Variants in ABI2 observed in about 807,000 individuals in gnomAD.
ABI2 encodes abl interactor 2, also known as abelson interactor 2.
A neutral mutation model predicts 59.2 loss-of-function variants in ABI2; 25 were observed. The ratio of observed to expected loss-of-function variants is 0.42; its 90% confidence interval spans 0.31 to 0.59. The LOEUF is 0.59. Among genes scored for constraint, ABI2 ranks in the 20% least tolerant of loss-of-function variants. The probability of loss-of-function intolerance (pLI) is 0.14; values close to 1 mark genes in which losing one functional copy is unlikely to be tolerated. For missense variants in ABI2, 545 were observed against 681.8 expected, an observed-to-expected ratio of 0.80 and a Z score of 2.23; for synonymous variants, 213 against 235.5, an observed-to-expected ratio of 0.90 and a Z score of 0.87.
rs531533750 is a variant in ABI2, at chr2:203,391,083, G to A, written c.518G>A (p.Arg173His). 9 of 1,613,884 alleles carry A rather than the reference G, an allele frequency of 5.6e-6. No homozygotes were observed. The highest frequency in any genetic ancestry group is 3.3e-5 in the South Asian group (3 of 91,028). ...TQNMKMGGLP[R>H]TTPPTQKPPS... The stretch of plus-strand genomic sequence containing the variant: ...AACATGAAGATGGGTGGGCTGCCGC[G>A]TACAACACCTCCAACTCAGAAGCCC... Residue 173 changes from arginine (R) to histidine (H), a missense_variant, in exon 5 of 12, where the codon CGT becomes CAT. Physicochemically the swap from Arg to His is conservative, Grantham distance 29. Coordinates refer to ENST00000261018, the MANE Select transcript of ABI2 (RefSeq NM_001375670.1).
Position 203,420,810 on chromosome 2 carries a change from T to G in ABI2, c.1453+3729T>G, listed in dbSNP as rs186943106. On this transcript the variant is annotated intron_variant, in intron 11 of 11. Coordinates refer to ENST00000261018, the MANE Select transcript of ABI2 (RefSeq NM_001375670.1). Reference sequence around the variant, plus strand: ...CTTTCTGGGGAATTCCTAGAAAGCTTCTCAGAGAACATGGCGTTCTTGGTG... The same window carrying G: ...CTTTCTGGGGAATTCCTAGAAAGCTGCTCAGAGAACATGGCGTTCTTGGTG... 2.2e-3 allele frequency among the ~76,000 whole-genome samples: 337 copies of G among 152,282 alleles called. 1 individual carries two copies. The highest frequency in any genetic ancestry group is 4.4e-3 in the Admixed American group (67 of 15,286).
chr2:203,373,444 G>A (rs1163122822), intron 2 of ABI2, among the ~76,000 whole-genome samples: 2 of 152,112 alleles, frequency 1.3e-5, no homozygotes, highest in African/African-American at 4.8e-5. Context: ...GCATCAGAGG[G>A]AGACCGTGGA....
intron 1 of ABI2, among the ~76,000 whole-genome samples, chr2:203,363,215 T>A (rs1254774773): frequency 6.6e-6 from 1 of 152,182 alleles, no homozygotes; most frequent in African/African-American, 2.4e-5. Flanking sequence ...ACCTGAGATA[T>A]TTTGATACAG....
chr2:203,344,363 T>A (rs2081878528), intron 1 of ABI2, among the ~76,000 whole-genome samples: 1 of 151,884 alleles, frequency 6.6e-6, no homozygotes, highest in South Asian at 2.1e-4. Flanking sequence ...ATTTTTAAAT[T>A]TTTTTTTCCT....
chr2:203,397,613 A>T (rs1469520351), intron 8 of ABI2, among the ~76,000 whole-genome samples: 1 of 152,216 alleles, frequency 6.6e-6, no homozygotes, highest in Admixed American at 6.5e-5. Context: ...ATGTGTTTGG[A>T]CATATATCAC....
chr2:203,414,267 A>C (rs1170559810), intron 10 of ABI2, among the ~76,000 whole-genome samples: 2 of 151,796 alleles, frequency 1.3e-5, no homozygotes, highest in African/African-American at 4.8e-5. Context: ...ATGTGCGTCT[A>C]ATTTTTGTAT....
At chr2:203,347,954 T>C (rs2084796797) in intron 1 of ABI2, among the ~76,000 whole-genome samples, 1 of 152,100 alleles carries the variant, frequency 6.6e-6, no homozygotes, top group Admixed American at 6.6e-5. Flanking sequence ...AAAAAAATGA[T>C]TTGGGCTGGG....
At chr2:203,391,571 G>T (rs1353341019) in intron 5 of ABI2, among the ~76,000 whole-genome samples, 3 of 152,062 alleles carry the variant, frequency 2.0e-5, no homozygotes, top group Non-Finnish European at 4.4e-5. Context: ...TCCCAAAGTG[G>T]GGATTTTGAG....
chr2:203,371,553 G>C (rs1307579616), intron 2 of ABI2, among the ~76,000 whole-genome samples: 1 of 152,110 alleles, frequency 6.6e-6, no homozygotes, highest in Non-Finnish European at 1.5e-5. Flanking sequence ...TTTAGGGCTG[G>C]TAAATTTTAA....
intron 1 of ABI2, among the ~76,000 whole-genome samples, chr2:203,343,553 C>G (rs1301524255): frequency 6.6e-6 from 1 of 151,994 alleles, no homozygotes; most frequent in African/African-American, 2.4e-5. Context: ...ATCTCCAACT[C>G]CTGACCTCAA....
chr2:203,372,067 A>G (rs1213973467), intron 2 of ABI2, among the ~76,000 whole-genome samples: 1 of 151,776 alleles, frequency 6.6e-6, no homozygotes, highest in Non-Finnish European at 1.5e-5. Flanking sequence ...TAGGCAGAGG[A>G]CCCTGCGGCC....
intron 1 of ABI2, among the ~76,000 whole-genome samples, chr2:203,339,005 TATAA>T (rs2078286267): frequency 2.1e-5 from 2 of 94,628 alleles, no homozygotes; most frequent in African/African-American, 4.7e-5. Flanking sequence ...TATATATATA[TATAA>T]AGGATTCATA....
chr2:203,416,897 T>TA lies in ABI2; in HGVS notation c.1280-10dup, dbSNP rs761663285. 1.4e-5 allele frequency: 22 copies of TA among 1,605,430 alleles called. No individual in the cohort carries two copies. The highest frequency in any genetic ancestry group is 1.8e-5 in the Non-Finnish European group (21 of 1,175,454). ...ACATATAGTTTTGTTGTCAGCCTGA[T>TA]ACGTTCTTAGTTTCAGATACACCAC... On this transcript the variant is annotated splice_polypyrimidine_tract_variant and intron_variant, in intron 10 of 11. Coordinates refer to ENST00000261018, the MANE Select transcript of ABI2 (RefSeq NM_001375670.1).
chr2:203,370,676 C>G (rs2095087565), intron 2 of ABI2, among the ~76,000 whole-genome samples: 1 of 151,846 alleles, frequency 6.6e-6, no homozygotes, highest in Non-Finnish European at 1.5e-5. Context: ...TAGAGGGAAC[C>G]AGGGGGTTCT....
chr2:203,397,012 C>G lies in ABI2; in HGVS notation c.1033+45C>G. On this transcript the variant is annotated intron_variant, in intron 8 of 11. Coordinates refer to ENST00000261018, the MANE Select transcript of ABI2 (RefSeq NM_001375670.1). ...TTGGCAGGCAGATGCAGTCATCTGG[C>G]TATTCTCTTACTTGCACCTCTGATT... is the stretch of plus-strand genomic sequence containing the variant. 6.0e-6 allele frequency: 8 copies of G among 1,333,702 alleles called. No homozygotes were observed. The South Asian group carries it at 1.7e-4, about 28-fold the overall frequency. 82.6% of individuals were successfully genotyped at this position (1,333,702 alleles called of 1,614,324 possible).
rs1176565495 is a variant in ABI2, at chr2:203,335,489, C to A, written c.117+6858C>A. Among the ~76,000 whole-genome samples, 3 of 152,140 alleles carry A rather than the reference C, an allele frequency of 2.0e-5. No individual in the cohort carries two copies. The East Asian group carries it at 5.8e-4, about 29-fold the overall frequency. On this transcript the variant is annotated intron_variant, in intron 1 of 11. Coordinates refer to ENST00000261018, the MANE Select transcript of ABI2 (RefSeq NM_001375670.1). ...GTTGCTCCGGCTGGTCTTGGAACAC[C>A]TGGGCTCAAGCAATTCTCCTGCCTT...
At chr2:203,405,645 C>G (rs992848422) in intron 9 of ABI2, among the ~76,000 whole-genome samples, 3 of 151,970 alleles carry the variant, frequency 2.0e-5, no homozygotes, top group Non-Finnish European at 4.4e-5. Context: ...ATTTGTTGTG[C>G]TTTCTCAAGT....
chr2:203,396,714 T>A (rs1453380660), intron 7 of ABI2, 71 bp from the exon 8 acceptor site: 2 of 1,422,478 alleles, frequency 1.4e-6, no homozygotes, highest in Non-Finnish European at 1.8e-6. Context: ...TTAAATACTC[T>A]AATACCTTTT....
intron 2 of ABI2, among the ~76,000 whole-genome samples, chr2:203,378,417 G>A (rs1374624525): frequency 3.3e-5 from 5 of 151,908 alleles, no homozygotes; most frequent in Non-Finnish European, 7.4e-5. Flanking sequence ...GGCTGAGATT[G>A]TTTTTTTCTT....
Sources: gnomAD v4.1 joint callset for allele counts (sites outside exome capture counted in the v4.1 genomes callset) on GRCh38, gnomAD v4.1.1 for gene constraint, MANE v1.5 for transcripts, NCBI Gene and HGNC (gene_info 2026-07-23, HGNC 2026-07-21) for gene names.